RASEF: variants seen among roughly 807,000 people sequenced by gnomAD.
RASEF encodes the protein ras and EF-hand domain-containing protein.
Under a neutral mutation model 90.1 loss-of-function variants are expected in RASEF, and 68 were observed. The ratio of observed to expected loss-of-function variants is 0.75; its 90% CI spans 0.62 to 0.92. The LOEUF is 0.92. RASEF is among the 40% of genes least tolerant of loss of function. The probability of loss-of-function intolerance (pLI) is 0.00; values close to 1 mark genes in which losing one functional copy is unlikely to be tolerated. For missense variants in RASEF, 949 were observed against 937.2 expected, an observed-to-expected ratio of 1.01 and a Z score of -0.16; for synonymous variants, 331 against 345.2, an observed-to-expected ratio of 0.96 and a Z score of 0.46.
upstream of RASEF, among the ~76,000 whole-genome samples, chr9:83,064,691 T>G (rs1443470027): frequency 1.3e-5 from 2 of 152,220 alleles, no homozygotes; most frequent in African/African-American, 4.8e-5. Flanking sequence ...TACTCTGACC[T>G]TTGTGCTCAT....
At chr9:83,082,905 T>C in the RASEF span, among the ~76,000 whole-genome samples, 49 of 152,152 alleles carry the variant, frequency 3.2e-4, no homozygotes, top group Non-Finnish European at 8.8e-5. Context: ...GGTAGAAGGT[T>C]GTCAGTCTGA....
the RASEF span, among the ~76,000 whole-genome samples, chr9:83,138,393 C>T: frequency 4.6e-5 from 7 of 152,156 alleles, no homozygotes; most frequent in Non-Finnish European, 8.8e-5. Flanking sequence ...AGTAATCATG[C>T]TGTCAAGCAG....
intron 10 of RASEF, 88 bp from the exon 11 acceptor site, chr9:83,000,658 A>G (rs1397984158): frequency 2.4e-6 from 3 of 1,240,340 alleles, no homozygotes; most frequent in Non-Finnish European, 3.3e-6. Context: ...TGGATTAAAA[A>G]GAAGAAAACT....
rs758642318 is a variant in RASEF, at chr9:82,992,934, G to C, written c.2012C>G (p.Pro671Arg). ...GGCCAGTTTCTCTCCAAAGTGCCCT[G>C]GGACACATTTTTGTCCCTCTGTAGC... ...TAATEGQKCVPGHFGEKLAMT... is the reference protein window; with the variant it reads ...TAATEGQKCVRGHFGEKLAMT... The change falls in exon 15 of 17, where the codon CCA becomes CGA. Residue 671 changes from proline (P) to arginine (R), a missense_variant. Around this residue, in one of 3 missense-constraint regions of RASEF, gnomAD observed 288 missense variants for 328.4 expected, o/e 0.88. Coordinates refer to ENST00000376447, the MANE Select transcript of RASEF (RefSeq NM_152573.4). 1.4e-5 allele frequency: 23 copies of C among 1,613,754 alleles called. No individual in the cohort carries two copies. The highest frequency in any genetic ancestry group is 8.3e-5 in the Admixed American group (5 of 59,978).
intron 6 of RASEF, among the ~76,000 whole-genome samples, chr9:83,008,363 T>G (rs1188160124): frequency 6.6e-6 from 1 of 152,224 alleles, no homozygotes; most frequent in Admixed American, 6.5e-5. Flanking sequence ...TTTAATTTTT[T>G]TTTTAAACTT....
chr9:83,053,220 G>T lies in RASEF; in HGVS notation c.431+9217C>A, dbSNP rs1170966699. ...CACTCAGGACTTGCTTTATGAATCT[G>T]GGTGCCCCTGTATTGGGTGCATAAA... On this transcript the variant is annotated intron_variant, in intron 1 of 16. Coordinates refer to ENST00000376447, the MANE Select transcript of RASEF (RefSeq NM_152573.4). Among the ~76,000 whole-genome samples the T allele has an allele frequency of 2.7e-5, 2 of 73,144 alleles. 1 individual carries two copies. Among genetic ancestry groups the T allele is most frequent in the Non-Finnish European group, 4.8e-5 (2 of 41,790 alleles). The allele number at this position is 73,144 out of a possible 152,430, so 48.0% of individuals were successfully genotyped here.
At chr9:82,998,310 C>T in intron 13 of RASEF, 55 bp downstream of exon 13, 1 of 1,072,598 alleles carries the variant, frequency 9.3e-7, no homozygotes, top group Non-Finnish European at 1.4e-6. Flanking sequence ...AAGTGGCCTG[C>T]AAGGCTTGTT....
At chr9:83,023,868 T>G (rs1829487708) in intron 2 of RASEF, among the ~76,000 whole-genome samples, 1 of 152,230 alleles carries the variant, frequency 6.6e-6, no homozygotes, top group African/African-American at 2.4e-5. Context: ...ATGGACTCTC[T>G]CTGCCCTTTT....
chr9:83,008,338 C>A (rs1336491627), intron 6 of RASEF, among the ~76,000 whole-genome samples: 1 of 152,142 alleles, frequency 6.6e-6, no homozygotes, highest in East Asian at 1.9e-4. Context: ...TAACCTTAAA[C>A]TAGCTTTTAA....
chr9:83,006,938 A>G (rs556779251), intron 7 of RASEF, among the ~76,000 whole-genome samples: 2 of 152,086 alleles, frequency 1.3e-5, no homozygotes, highest in South Asian at 2.1e-4. Context: ...CTAAAAAAAT[A>G]CAAAAATTAG....
At chr9:83,176,096 A>G in the RASEF span, among the ~76,000 whole-genome samples, 2 of 152,260 alleles carry the variant, frequency 1.3e-5, no homozygotes, top group South Asian at 4.1e-4. Context: ...CATTTTTGAA[A>G]GTGGAGTTTT....
At chr9:83,157,309 C>A in the RASEF span, among the ~76,000 whole-genome samples, 2 of 152,192 alleles carry the variant, frequency 1.3e-5, no homozygotes, top group Admixed American at 1.3e-4. Context: ...GAATGTGTCC[C>A]CTCAAAATCC....
chr9:82,995,674 C>T (rs761229105), intron 14 of RASEF, among the ~76,000 whole-genome samples: 20 of 152,174 alleles, frequency 1.3e-4, no homozygotes, highest in Middle Eastern at 3.4e-3. Context: ...TCAAACTCCT[C>T]GGCTCAAACC....
chr9:83,151,552 T>C, the RASEF span, among the ~76,000 whole-genome samples: 2 of 152,154 alleles, frequency 1.3e-5, no homozygotes, highest in East Asian at 1.9e-4. Flanking sequence ...AACTCCAACA[T>C]TGAAAAGAGG....
chr9:83,134,370 TC>T, the RASEF span, among the ~76,000 whole-genome samples: 1 of 149,058 alleles, frequency 6.7e-6, no homozygotes, highest in South Asian at 2.1e-4. Flanking sequence ...ACAGATTCTT[TC>T]CCCCAACAAA....
intron 2 of RASEF, among the ~76,000 whole-genome samples, chr9:83,024,236 A>T (rs1183602933): frequency 1.3e-5 from 2 of 152,210 alleles, no homozygotes; most frequent in East Asian, 1.9e-4. Flanking sequence ...AAGGGAGTGG[A>T]TGGGGACACC....
the RASEF span, among the ~76,000 whole-genome samples, chr9:83,114,695 C>T: frequency 2.8e-4 from 43 of 152,184 alleles, no homozygotes; most frequent in African/African-American, 8.4e-4. Context: ...AAATAAGCCC[C>T]GGTCTCCTGT....
intron 1 of RASEF, among the ~76,000 whole-genome samples, chr9:83,027,524 CCA>C (rs1467780382): frequency 9.9e-5 from 15 of 152,276 alleles, no homozygotes; most frequent in African/African-American, 3.6e-4. Flanking sequence ...GGGACAAAGA[CCA>C]ACTACATATT....
At chr9:83,098,723 A>G in the RASEF span, among the ~76,000 whole-genome samples, 3 of 152,212 alleles carry the variant, frequency 2.0e-5, no homozygotes, top group Admixed American at 6.5e-5. Context: ...CACATCTTAC[A>G]TGGCAGCAGG....
Sources: gnomAD v4.1 joint callset for allele counts (sites outside exome capture counted in the v4.1 genomes callset) on GRCh38, gnomAD v4.1.1 for gene constraint, gnomAD v4.1.1 regional missense constraint, MANE v1.5 for transcripts, NCBI Gene and HGNC (gene_info 2026-07-23, HGNC 2026-07-21) for gene names.